SV2B: variants seen among roughly 807,000 people sequenced by gnomAD.
SV2B encodes the protein solute carrier family 22 member B2.
Under a neutral mutation model 73.9 loss-of-function variants are expected in SV2B, and 41 were observed. That is an observed-to-expected ratio of 0.56 (90% CI 0.43 to 0.72). The LOEUF is 0.72. Ranked by LOEUF, SV2B falls within the 30% of genes least tolerant of loss-of-function variation. The pLI is 0.00. For synonymous variants in SV2B, 314 were observed against 314.2 expected, an observed-to-expected ratio of 1.00 and a Z score of 0.01; for missense variants, 764 against 857.8, an observed-to-expected ratio of 0.89 and a Z score of 1.37.
chr15:91,192,293 C>T (rs1280842991), intron 1 of SV2B, among the ~76,000 whole-genome samples: 2 of 152,188 alleles, frequency 1.3e-5, no homozygotes, highest in African/African-American at 4.8e-5. Context: ...AAAGAATTTT[C>T]ATTTCACTCT....
Position 91,123,655 on chromosome 15 carries a change from G to T in SV2B, c.-392+23292G>T, listed in dbSNP as rs983620185. ...GCCTGAGGATTTGCATTTGCTGAAG[G>T]CCAGTTATTTGTCTAGCACTTTCTG... On this transcript the variant is annotated intron_variant, in intron 1 of 12. Coordinates refer to ENST00000394232, the MANE Select transcript of SV2B (RefSeq NM_001323032.3). The surrounding 1 kb of genome is among the most constrained non-coding windows in gnomAD (Gnocchi z 4.7). Among the ~76,000 whole-genome samples, 1 of 152,134 alleles carries T rather than the reference G, an allele frequency of 6.6e-6. No homozygotes were observed. Among genetic ancestry groups the T allele is most frequent in the South Asian group, 2.1e-4 (1 of 4,830 alleles).
In SV2B at chr15:91,220,896, C is replaced by G. The variant is rs2046190190; in HGVS notation, c.-391-4977C>G. 6.6e-6 allele frequency among the ~76,000 whole-genome samples: 1 copy of G among 152,040 alleles called. No individual in the cohort carries two copies. ...TTATTTTTTTGAGACAGGGGTCTCTCTCTTTCACCCAGGCTGGAGGGCAGT... is the reference window on the plus strand; with the variant it reads ...TTATTTTTTTGAGACAGGGGTCTCTGTCTTTCACCCAGGCTGGAGGGCAGT... On this transcript the variant is annotated intron_variant, in intron 1 of 12. Transcript: ENST00000394232. This position sits in a 1 kb window ranked among gnomAD's most constrained non-coding sequence, Gnocchi z 4.1.
chr15:91,238,483 C>A (rs574456704), intron 2 of SV2B, among the ~76,000 whole-genome samples: 107 of 152,302 alleles, frequency 7.0e-4, no homozygotes, highest in South Asian at 4.8e-3. Flanking sequence ...GCTGTCCCAC[C>A]CCTGGAAGAC....
At chr15:91,145,971 A>G (rs975491885) in intron 1 of SV2B, among the ~76,000 whole-genome samples, 4 of 152,188 alleles carry the variant, frequency 2.6e-5, no homozygotes, top group Non-Finnish European at 4.4e-5. Context: ...TGCTGTGCAG[A>G]AGCTCTTTAG....
intron 1 of SV2B, among the ~76,000 whole-genome samples, chr15:91,103,725 G>A (rs1299700208): frequency 6.6e-6 from 1 of 152,198 alleles, no homozygotes; most frequent in Non-Finnish European, 1.5e-5. Context: ...CCTAGTCAAA[G>A]TTTCTGTGAA....
intron 2 of SV2B, among the ~76,000 whole-genome samples, chr15:91,248,189 T>C (rs536526755): frequency 1.8e-4 from 28 of 152,034 alleles, no homozygotes; most frequent in East Asian, 9.7e-4. Context: ...GGCGTGGTGG[T>C]GGGCGCCTGT....
intron 2 of SV2B, among the ~76,000 whole-genome samples, chr15:91,247,542 A>T (rs2141593641): frequency 6.6e-6 from 1 of 152,286 alleles, no homozygotes; most frequent in Non-Finnish European, 1.5e-5. Context: ...AATGATTATA[A>T]CTTAGAATCT....
At position 91,214,226 on chromosome 15, in the gene SV2B, C is replaced by T. The variant is rs751723490; in HGVS notation, c.-391-11647C>T. ...GGGGATGAGGATTCAGGGCAGGGTT[C>T]CAGCAGAGTGGAAGTGCTAAAAAAC... On this transcript the variant is annotated intron_variant, in intron 1 of 12. Transcript: ENST00000394232. This position sits in a 1 kb window ranked among gnomAD's most constrained non-coding sequence, Gnocchi z 4.7. Among the ~76,000 whole-genome samples, 2 of 152,014 alleles carry T rather than the reference C, an allele frequency of 1.3e-5. No homozygotes were observed. The highest frequency in any genetic ancestry group is 1.3e-4 in the Admixed American group (2 of 15,258).
intron 1 of SV2B, among the ~76,000 whole-genome samples, chr15:91,187,603 C>A (rs1356830464): frequency 2.0e-5 from 3 of 151,814 alleles, no homozygotes; most frequent in Non-Finnish European, 4.4e-5. Flanking sequence ...CTGTCAAGTG[C>A]TACTTGATGC....
chr15:91,185,990 T>A (rs977453739), intron 1 of SV2B, among the ~76,000 whole-genome samples: 4 of 152,170 alleles, frequency 2.6e-5, no homozygotes, highest in Admixed American at 2.0e-4. Flanking sequence ...TCCCAGGCTG[T>A]CCCCCAGACC....
intron 1 of SV2B, among the ~76,000 whole-genome samples, chr15:91,199,364 C>T (rs2045379784): frequency 6.6e-6 from 1 of 152,090 alleles, no homozygotes; most frequent in Admixed American, 6.6e-5. Flanking sequence ...TAACAATCCT[C>T]CAGGCCAGTG....
intron 1 of SV2B, among the ~76,000 whole-genome samples, chr15:91,178,145 A>G (rs1256695919): frequency 2.0e-5 from 3 of 151,578 alleles, no homozygotes; most frequent in Non-Finnish European, 3.0e-5. Context: ...ATCTATTGAG[A>G]TAATCATGTG....
intron 1 of SV2B, among the ~76,000 whole-genome samples, chr15:91,179,370 T>C (rs919468888): frequency 6.6e-6 from 1 of 152,254 alleles, no homozygotes; most frequent in African/African-American, 2.4e-5. Flanking sequence ...ATATATTTTG[T>C]TGATTTGGGG....
At chr15:91,108,687 C>T (rs1388134159) in intron 1 of SV2B, among the ~76,000 whole-genome samples, 1 of 152,212 alleles carries the variant, frequency 6.6e-6, no homozygotes, top group Non-Finnish European at 1.5e-5. Context: ...TCTCCACCAC[C>T]CTCATGCCTT....
chr15:91,202,621 T>C (rs1596573675), intron 1 of SV2B, among the ~76,000 whole-genome samples: 1 of 152,152 alleles, frequency 6.6e-6, no homozygotes, highest in Non-Finnish European at 1.5e-5. Flanking sequence ...GCTACCTGGG[T>C]TCCCTGGGAA....
At position 91,241,007 on chromosome 15, in the gene SV2B, G is replaced by C. The variant is rs1470020580; in HGVS notation, c.452-10812G>C. Among the ~76,000 whole-genome samples, 3 of 152,144 alleles carry C rather than the reference G, an allele frequency of 2.0e-5. No homozygotes were observed. The highest frequency in any genetic ancestry group is 2.9e-5 in the Non-Finnish European group (2 of 68,024). On this transcript the variant is annotated intron_variant, in intron 2 of 12. Transcript: ENST00000394232. This position sits in a 1 kb window ranked among gnomAD's most constrained non-coding sequence, Gnocchi z 4.8. The stretch of plus-strand genomic sequence containing the variant: ...AGAGCATCACTTACTACACATTCTT[G>C]TTGCAGTCATCCACTGACTGGGCCA...
intron 1 of SV2B, among the ~76,000 whole-genome samples, chr15:91,166,417 G>A (rs531468682): frequency 8.6e-5 from 13 of 151,802 alleles, no homozygotes; most frequent in African/African-American, 3.1e-4. Flanking sequence ...AATGTGTCTG[G>A]TCATAGTTTT....
chr15:91,124,403 T>C lies in SV2B; in HGVS notation c.-392+24040T>C, dbSNP rs143630186. On this transcript the variant is annotated intron_variant, in intron 1 of 12. Coordinates refer to ENST00000394232, the MANE Select transcript of SV2B (RefSeq NM_001323032.3). This position sits in a 1 kb window ranked among gnomAD's most constrained non-coding sequence, Gnocchi z 4.6. ...AGGAAGTGAGACACCTGCAACCGAG[T>C]GTGAGGTGCAGCAGCCAAGAGCCAG... is the stretch of plus-strand genomic sequence containing the variant. Among the ~76,000 whole-genome samples, 42 of 151,860 alleles carry C rather than the reference T, an allele frequency of 2.8e-4. No individual in the cohort carries two copies. Among genetic ancestry groups the C allele is most frequent in the Middle Eastern group, 6.8e-3 (2 of 294 alleles).
chr15:91,154,219 G>C (rs112820565), intron 1 of SV2B, among the ~76,000 whole-genome samples: 1 of 149,486 alleles, frequency 6.7e-6, no homozygotes, highest in Admixed American at 6.7e-5. Context: ...GTAATATAAA[G>C]ATACTTTTTT....
Sources: gnomAD v4.1 joint callset for allele counts (sites outside exome capture counted in the v4.1 genomes callset) on GRCh38, gnomAD v4.1.1 for gene constraint, Gnocchi (gnomAD v3.1) non-coding constraint, MANE v1.5 for transcripts, NCBI Gene and HGNC (gene_info 2026-07-23, HGNC 2026-07-21) for gene names.